Variants in COL21A1 observed in about 807,000 individuals in gnomAD.
COL21A1 encodes collagen alpha-1(XXI) chain.
A neutral mutation model predicts 137.9 loss-of-function variants in COL21A1; 149 were observed. The observed-to-expected ratio is 1.08, with a 90% confidence interval of 0.95 to 1.24. The LOEUF (loss-of-function observed/expected upper bound fraction) is 1.24, where lower values mean the gene tolerates loss of function less well. Ranked by LOEUF, COL21A1 falls within the 50% of genes most tolerant of loss-of-function variation. COL21A1 has a pLI of 0.00. For missense variants in COL21A1, 1,167 were observed against 1,158.4 expected, an observed-to-expected ratio of 1.01 and a Z score of -0.11; for synonymous variants, 456 against 391.5, an observed-to-expected ratio of 1.16 and a Z score of -1.95.
chr6:56,099,745 T>A (rs1041678354), intron 17 of COL21A1, among the ~76,000 whole-genome samples: 3 of 151,988 alleles, frequency 2.0e-5, no homozygotes, highest in Non-Finnish European at 4.4e-5. Flanking sequence ...TCACACCCAG[T>A]CTTATATCCA....
chr6:56,111,980 T>A (rs1028696165), intron 16 of COL21A1, among the ~76,000 whole-genome samples: 8 of 152,034 alleles, frequency 5.3e-5, no homozygotes, highest in Middle Eastern at 3.4e-3. Flanking sequence ...AAATCTATAA[T>A]ATCATTATGA....
At chr6:56,314,317 A>G (rs1234223042) in intron 1 of COL21A1, among the ~76,000 whole-genome samples, 1 of 149,154 alleles carries the variant, frequency 6.7e-6, no homozygotes, top group Non-Finnish European at 1.5e-5. Flanking sequence ...TATTTTCCCA[A>G]CAAAGAAAGG....
At chr6:56,189,829 A>G (rs1037119570) in intron 1 of COL21A1, among the ~76,000 whole-genome samples, 2 of 152,194 alleles carry the variant, frequency 1.3e-5, no homozygotes, top group Admixed American at 6.5e-5. Context: ...ATTCTTAAAG[A>G]AAAGAATTTT....
At chr6:56,177,023 A>C (rs1441805665) in intron 3 of COL21A1, among the ~76,000 whole-genome samples, 1 of 151,340 alleles carries the variant, frequency 6.6e-6, no homozygotes, top group Non-Finnish European at 1.5e-5. Flanking sequence ...GAGGAGGAAG[A>C]AGAAGAGGAG....
At chr6:56,095,448 G>A (rs2114224819) in intron 17 of COL21A1, among the ~76,000 whole-genome samples, 1 of 152,252 alleles carries the variant, frequency 6.6e-6, no homozygotes, top group South Asian at 2.1e-4. Context: ...GTTACTAGAG[G>A]TGACAGAGCT....
At chr6:56,159,739 A>AT (rs1485692862) in intron 9 of COL21A1, among the ~76,000 whole-genome samples, 6 of 150,178 alleles carry the variant, frequency 4.0e-5, no homozygotes, top group African/African-American at 1.5e-4. Flanking sequence ...TTACCCACTC[A>AT]TTTGTAGAAT....
At position 56,165,547 on chromosome 6, in the gene COL21A1, C is replaced by A. The variant is rs570136636; in HGVS notation, c.1279-725G>T. Among the ~76,000 whole-genome samples the A allele has an allele frequency of 1.1e-4, 16 of 152,288 alleles. 1 individual carries two copies. In the South Asian group the frequency reaches 3.1e-3, roughly 30 times the overall value. On this transcript the variant is annotated intron_variant, in intron 7 of 29. Transcript: ENST00000244728. ...CACAATGAATTCTCAAATGCCATAG[C>A]TTATTAACACTTTTAAAAGAGATTT...
intron 1 of COL21A1, among the ~76,000 whole-genome samples, chr6:56,198,629 AC>A (rs1343186052): frequency 1.3e-5 from 2 of 152,118 alleles, no homozygotes; most frequent in Non-Finnish European, 2.9e-5. Flanking sequence ...TACTAAGCAA[AC>A]AAAAAGTATT....
intron 1 of COL21A1, among the ~76,000 whole-genome samples, chr6:56,389,288 G>A (rs1178574773): frequency 1.3e-5 from 2 of 152,050 alleles, no homozygotes; most frequent in Admixed American, 6.6e-5. Context: ...GAACGTGGGA[G>A]GTGGAGGTTG....
intron 1 of COL21A1, among the ~76,000 whole-genome samples, chr6:56,360,891 G>A (rs1163262320): frequency 6.6e-6 from 1 of 152,164 alleles, no homozygotes; most frequent in Non-Finnish European, 1.5e-5. Flanking sequence ...CCTGAAGTCA[G>A]GAGTTCAAGA....
At chr6:56,102,598 T>C (rs6459124) in intron 16 of COL21A1, among the ~76,000 whole-genome samples, 111,764 of 152,120 alleles carry the variant, frequency 0.73, 41,558 homozygotes, top group East Asian at 0.87. Flanking sequence ...AAGCATATTA[T>C]AACACTGTCA....
intron 20 of COL21A1, among the ~76,000 whole-genome samples, 194 bp downstream of exon 20, chr6:56,074,038 A>G (rs2114111869): frequency 6.6e-6 from 1 of 151,526 alleles, no homozygotes; most frequent in East Asian, 2.0e-4. Flanking sequence ...TTCCAACATA[A>G]CAGGATGAGC....
At chr6:56,253,627 G>T (rs1036083301) in intron 1 of COL21A1, among the ~76,000 whole-genome samples, 9 of 152,096 alleles carry the variant, frequency 5.9e-5, no homozygotes, top group Admixed American at 2.6e-4. Flanking sequence ...AGCATTTTTT[G>T]TTTAAGCTCA....
At chr6:56,187,801 G>A (rs1175020909) in intron 1 of COL21A1, among the ~76,000 whole-genome samples, 2 of 152,122 alleles carry the variant, frequency 1.3e-5, no homozygotes, top group African/African-American at 4.8e-5. Flanking sequence ...GAAACCACTA[G>A]CAGTTTTAAA....
Position 56,101,522 on chromosome 6 carries a change from C to A in COL21A1, c.1762G>T (p.Glu588Ter). 6.3e-7 allele frequency: 1 copy of A among 1,585,816 alleles called. No homozygotes were observed. The highest frequency in any genetic ancestry group is 8.6e-7 in the Non-Finnish European group (1 of 1,164,606). The stretch of plus-strand genomic sequence containing the variant: ...CCCGGAGCACCAGGGGATCCTGCTT[C>A]TCCCTTTTAATGATTTGACAAAAAG... ...GLMGSPGFKGEAGSPGAPGQD... is the reference protein window; with the variant it reads ...GLMGSPGFKG The change falls in exon 17 of 30, where the codon GAA (glutamate) becomes TAA (stop). Residue 588 changes from glutamate to a stop codon, truncating the protein, a stop_gained. Coordinates refer to ENST00000244728, the MANE Select transcript of COL21A1 (RefSeq NM_030820.4). LOFTEE classifies it high-confidence loss of function.
chr6:56,115,444 C>T (rs1297526310), intron 16 of COL21A1, among the ~76,000 whole-genome samples: 1 of 152,168 alleles, frequency 6.6e-6, no homozygotes, highest in Non-Finnish European at 1.5e-5. Flanking sequence ...TACAAGTCTG[C>T]AAGAACCACA....
At chr6:56,089,203 A>G (rs1340121725) in intron 17 of COL21A1, among the ~76,000 whole-genome samples, 1 of 152,182 alleles carries the variant, frequency 6.6e-6, no homozygotes, top group African/African-American at 2.4e-5. Flanking sequence ...AGCTCACCAA[A>G]ATAGCAACAG....
chr6:56,154,911 G>T (rs1316521471), intron 10 of COL21A1, among the ~76,000 whole-genome samples: 1 of 151,966 alleles, frequency 6.6e-6, no homozygotes, highest in African/African-American at 2.4e-5. Flanking sequence ...ATTTCCCCAA[G>T]TTTGCTTTCT....
At chr6:56,320,518 AACACACACACAC>A (rs55942460) in intron 1 of COL21A1, among the ~76,000 whole-genome samples, 1 of 149,490 alleles carries the variant, frequency 6.7e-6, no homozygotes, top group African/African-American at 2.5e-5. Context: ...ACACAATCTG[AACACACACACAC>A]ACACACACAC....
Sources: gnomAD v4.1 joint callset for allele counts (sites outside exome capture counted in the v4.1 genomes callset) on GRCh38, gnomAD v4.1.1 for gene constraint, MANE v1.5 for transcripts, NCBI Gene and HGNC (gene_info 2026-07-23, HGNC 2026-07-21) for gene names.